Variants in OIP5 observed in about 807,000 individuals in gnomAD.
OIP5 encodes the protein protein Mis18-beta.
OIP5 carries 24 observed loss-of-function variants against 20.3 expected under a neutral mutation model. The observed-to-expected ratio is 1.18, with a 90% confidence interval of 0.86 to 1.66. The LOEUF is 1.66. Among genes scored for constraint, OIP5 ranks in the 40% most tolerant of loss-of-function variants. The pLI is 0.00. For missense variants in OIP5, 339 were observed against 289.5 expected (o/e 1.17, Z -1.24); for synonymous variants, 143 against 121.3 (o/e 1.18, Z -1.17).
chr15:41,327,521 G>A (rs1474991888), intron 2 of OIP5, among the ~76,000 whole-genome samples: 1 of 151,800 alleles, frequency 6.6e-6, no homozygotes, highest in Non-Finnish European at 1.5e-5. Context: ...TGGGCGCAGT[G>A]GCTCACGCCT....
rs561779524 is a variant in OIP5, at chr15:41,320,909, G to A, written c.390-1129C>T. 4.6e-5 allele frequency among the ~76,000 whole-genome samples: 7 copies of A among 151,730 alleles called. No individual in the cohort carries two copies. The East Asian group carries it at 1.4e-3, about 30-fold the overall frequency. On this transcript the variant is annotated intron_variant, in intron 2 of 4. Transcript: ENST00000220514. ...CTCTGCCCGGCCTCCCATGGTCTGA[G>A]ATGTGGGGAACGCCTCTGCCCTGCC...
chr15:41,316,656 G>C (rs991715470), intron 3 of OIP5, among the ~76,000 whole-genome samples: 47 of 151,856 alleles, frequency 3.1e-4, no homozygotes, highest in Middle Eastern at 3.2e-3. Context: ...CAAGCGTGGT[G>C]GTGGGCGCCT....
At chr15:41,309,911 CAG>C in intron 4 of OIP5, 62 bp from the exon 5 acceptor site, 1 of 1,156,618 alleles carries the variant, frequency 8.6e-7, no homozygotes, top group Non-Finnish European at 1.3e-6. Flanking sequence ...TTTTAAGAGA[CAG>C]GGTCTCACTC....
Position 41,320,111 on chromosome 15 carries a change from T to C in OIP5, c.390-331A>G, listed in dbSNP as rs922553601. Among the ~76,000 whole-genome samples, 5 of 152,296 alleles carry C rather than the reference T, an allele frequency of 3.3e-5. No homozygotes were observed. In the South Asian group the frequency reaches 1.0e-3, roughly 32 times the overall value. ...TTTAAACATTTAAAACTACAAATCA[T>C]GTAAAATGGCTATCATTATATAAAT... On this transcript the variant is annotated intron_variant, in intron 2 of 4. Transcript: ENST00000220514.
At chr15:41,312,562 C>T (rs1218115112) in intron 4 of OIP5, among the ~76,000 whole-genome samples, 3 of 151,038 alleles carry the variant, frequency 2.0e-5, no homozygotes, top group African/African-American at 4.9e-5. Context: ...TGGGTTCAAG[C>T]GATTCTCCTG....
At chr15:41,327,777 G>A (rs2047871333) in intron 2 of OIP5, among the ~76,000 whole-genome samples, 2 of 151,424 alleles carry the variant, frequency 1.3e-5, no homozygotes, top group South Asian at 2.1e-4. Flanking sequence ...TACAGAGCAA[G>A]ACTCCATCTC....
intron 2 of OIP5, among the ~76,000 whole-genome samples, chr15:41,329,942 C>T (rs1327537929): frequency 6.6e-6 from 1 of 152,110 alleles, no homozygotes; most frequent in Non-Finnish European, 1.5e-5. Context: ...CGTGATCCAT[C>T]CGCCTTGGCC....
intron 3 of OIP5, among the ~76,000 whole-genome samples, chr15:41,314,628 T>TC (rs2047778812): frequency 1.3e-5 from 2 of 148,580 alleles, no homozygotes; most frequent in Admixed American, 1.3e-4. Context: ...ATAGCGAAAC[T>TC]CCATCTCTTT....
rs776180520 is a variant in OIP5, at chr15:41,332,415, C to T, written c.147G>A (p.Pro49=). The stretch of plus-strand genomic sequence containing the variant: ...CAGCCCCCAGCCCTGCGGGGCCGAG[C>T]GGCGAGGACCCCTTCACCACCTGCG... The part of the protein sequence containing the change: ...WDTQVVKGSS[P]LGPAGLGAEE... Residue 49 remains proline (P), a synonymous_variant, in exon 1 of 5, where the codon CCG becomes CCA. Coordinates refer to ENST00000220514, the MANE Select transcript of OIP5 (RefSeq NM_007280.2). 3.1e-6 allele frequency: 5 copies of T among 1,613,942 alleles called. No individual in the cohort carries two copies. The highest frequency in any genetic ancestry group is 4.2e-6 in the Non-Finnish European group (5 of 1,179,892).
At chr15:41,312,605 G>A (rs990268623) in intron 4 of OIP5, among the ~76,000 whole-genome samples, 5 of 146,902 alleles carry the variant, frequency 3.4e-5, no homozygotes, top group African/African-American at 7.7e-5. Flanking sequence ...GATTACAGGC[G>A]CCCACCACCA....
chr15:41,315,165 T>C (rs964938569), intron 3 of OIP5, among the ~76,000 whole-genome samples: 3 of 151,266 alleles, frequency 2.0e-5, no homozygotes, highest in Non-Finnish European at 2.9e-5. Context: ...CGCAGTGGCT[T>C]ATGCGTGTAA....
rs373207801 is a variant in OIP5, at chr15:41,321,041, C to T, written c.390-1261G>A. On this transcript the variant is annotated intron_variant, in intron 2 of 4. Transcript: ENST00000220514. ...CATCTTGAGAAGTGAGGAGACCCTC[C>T]GCCCGGCAGCCTCCCTGTCTGAGAA... is the stretch of plus-strand genomic sequence containing the variant. Among the ~76,000 whole-genome samples the T allele has an allele frequency of 1.6e-4, 23 of 147,906 alleles. No homozygotes were observed. The East Asian group carries it at 1.8e-3, about 12-fold the overall frequency.
chr15:41,317,008 G>T (rs2047792684), intron 3 of OIP5, among the ~76,000 whole-genome samples: 1 of 151,998 alleles, frequency 6.6e-6, no homozygotes, highest in South Asian at 2.1e-4. Flanking sequence ...GTCAAGGAAA[G>T]ACTTCTAAGG....
chr15:41,320,282 A>C (rs1288514837), intron 2 of OIP5, among the ~76,000 whole-genome samples: 1 of 150,426 alleles, frequency 6.6e-6, no homozygotes, highest in Non-Finnish European at 1.5e-5. Context: ...TCCTCTCCCC[A>C]CGGTCTCCCT....
chr15:41,315,677 A>G (rs1220505323), intron 3 of OIP5, among the ~76,000 whole-genome samples: 2 of 152,206 alleles, frequency 1.3e-5, no homozygotes, highest in Non-Finnish European at 2.9e-5. Context: ...TGCTTTTCAA[A>G]TTTATGTTAA....
In OIP5 at chr15:41,313,303, T is replaced by G. The variant is rs773711739; in HGVS notation, c.564A>C (p.Gln188His). 2.5e-6 allele frequency: 4 copies of G among 1,605,782 alleles called. No homozygotes were observed. The East Asian group carries it at 8.9e-5, about 36-fold the overall frequency. The change falls in exon 4 of 5, where the codon CAA becomes CAC. Residue 188 changes from glutamine to histidine, a missense_variant. Gln to His is a conservative substitution (Grantham distance 24). Coordinates refer to ENST00000220514, the MANE Select transcript of OIP5 (RefSeq NM_007280.2). ...CAATCTTTTCTGATAGAGGAACATT[T>G]TGAATATCCATCTCTGATGCATTTA... Reference protein sequence around the residue: ...AIVNASEMDIQNVPLSEKIAE... With the variant: ...AIVNASEMDIHNVPLSEKIAE...
In OIP5 at chr15:41,332,538, A is replaced by C; in HGVS notation, c.24T>G (p.His8Gln). ...GGGGCGGCGTTGCACAACGTGAGCG[A>C]TGCCGCAGCGGCTGAGCCGCCATCT... MAAQPLR[H>Q]RSRCATPPRG... Residue 8 changes from histidine to glutamine, a missense_variant, in exon 1 of 5, where the codon CAT becomes CAG. Physicochemically the swap from His to Gln is conservative, Grantham distance 24. Transcript: ENST00000220514. The C allele has an allele frequency of 6.2e-7, 1 of 1,609,058 alleles. No individual in the cohort carries two copies. The highest frequency in any genetic ancestry group is 8.5e-7 in the Non-Finnish European group (1 of 1,177,780).
intron 4 of OIP5, among the ~76,000 whole-genome samples, 187 bp downstream of exon 4, chr15:41,313,086 T>C (rs1225283726): frequency 6.6e-6 from 1 of 152,202 alleles, no homozygotes; most frequent in Non-Finnish European, 1.5e-5. Context: ...TTTCCTTTCT[T>C]CCTGAACTAT....
chr15:41,326,795 T>C (rs990992642), intron 2 of OIP5, among the ~76,000 whole-genome samples: 2 of 152,186 alleles, frequency 1.3e-5, no homozygotes, highest in Non-Finnish European at 2.9e-5. Context: ...TGCTTTGGGT[T>C]GCCTTGCTCT....
Sources: allele counts gnomAD v4.1 joint callset (sites outside exome capture counted in the v4.1 genomes callset), GRCh38; gene constraint gnomAD v4.1.1; transcripts MANE v1.5; gene names NCBI Gene and HGNC (gene_info 2026-07-23, HGNC 2026-07-21).